Variants in DCTD observed in about 807,000 individuals in gnomAD.
DCTD encodes dCMP deaminase, also known as deoxycytidylate deaminase.
Under a neutral mutation model 21.0 loss-of-function variants are expected in DCTD, and 23 were observed. The ratio of observed to expected loss-of-function variants is 1.09; its 90% CI spans 0.79 to 1.55. DCTD has a LOEUF of 1.55. DCTD is among the 40% of genes most tolerant of loss of function. The probability of loss-of-function intolerance (pLI) is 0.00; values close to 1 mark genes in which losing one functional copy is unlikely to be tolerated. For missense variants in DCTD, 224 were observed against 230.0 expected (o/e 0.97, Z 0.17); for synonymous variants, 71 against 81.1 (o/e 0.88, Z 0.67).
intron 3 of DCTD, among the ~76,000 whole-genome samples, chr4:182,900,095 G>A (rs1221193766): frequency 3.3e-5 from 5 of 152,186 alleles, no homozygotes; most frequent in South Asian, 2.1e-4. Flanking sequence ...GGGGGAGATC[G>A]TTTGAGCTCA....
rs1201143300 is a variant in DCTD at position 182,891,183 on chromosome 4, C to T, written c.*216G>A. ...GCCCTGTGCACCAGGCCACCACAGG[C>T]TCCCCTATTTTAAACCCTAAAGCAA... On this transcript the variant is annotated 3_prime_UTR_variant, in exon 6 of 6. Coordinates refer to ENST00000438320, the MANE Select transcript of DCTD (RefSeq NM_001921.3). 4 of 491,512 alleles carry T rather than the reference C, an allele frequency of 8.1e-6. No individual in the cohort carries two copies. The highest frequency in any genetic ancestry group is 1.4e-5 in the Non-Finnish European group (4 of 276,908). 30.4% of individuals were successfully genotyped at this position (491,512 alleles called of 1,614,324 possible). A position where few individuals can be genotyped will look rare whatever the true frequency, so the allele number is the denominator to read the frequency against.
chr4:182,909,614 C>T (rs780409238), intron 3 of DCTD, among the ~76,000 whole-genome samples: 10 of 152,116 alleles, frequency 6.6e-5, no homozygotes, highest in Non-Finnish European at 1.5e-4. Context: ...AATTTCAGGA[C>T]GGAAAGAACA....
intron 3 of DCTD, among the ~76,000 whole-genome samples, chr4:182,895,077 A>G (rs1734504097): frequency 6.6e-6 from 1 of 152,226 alleles, no homozygotes; most frequent in South Asian, 2.1e-4. Flanking sequence ...CATACGCACA[A>G]GGAAAAACGC....
chr4:182,892,879 C>T, intron 5 of DCTD, 152 bp downstream of exon 5: 1 of 628,654 alleles, frequency 1.6e-6, no homozygotes. Context: ...ATATCTACCC[C>T]TATAATAGTC....
chr4:182,917,209 C>A lies in DCTD; in HGVS notation c.-8+102G>T. 1 of 993,980 alleles carries A rather than the reference C, an allele frequency of 1.0e-6. No individual in the cohort carries two copies. Among genetic ancestry groups the A allele is most frequent in the South Asian group, 4.6e-5 (1 of 21,944 alleles). The allele number at this position is 993,980 out of a possible 1,614,324, so 61.6% of individuals were successfully genotyped here. On this transcript the variant is annotated intron_variant, in intron 1 of 5. Coordinates refer to ENST00000438320, the MANE Select transcript of DCTD (RefSeq NM_001921.3). The surrounding 1 kb of genome is among the most constrained non-coding windows in gnomAD (Gnocchi z 4.9). ...CCCAGCGTCCGCGGCCCCAGGCCCC[C>A]GCCCGGCAGCCAGCGCCCCGCGCCA...
At chr4:182,916,226 AG>A in intron 1 of DCTD, 1 of 228,558 alleles carries the variant, frequency 4.4e-6, no homozygotes. Flanking sequence ...TTACATGAGA[AG>A]AAACTATGAA....
chr4:182,898,139 A>G (rs1735078118), intron 3 of DCTD, among the ~76,000 whole-genome samples: 1 of 152,238 alleles, frequency 6.6e-6, no homozygotes, highest in African/African-American at 2.4e-5. Flanking sequence ...GGCCATCGAC[A>G]CTGATCAAAT....
At chr4:182,896,604 G>A (rs1275238784) in intron 3 of DCTD, among the ~76,000 whole-genome samples, 1 of 152,160 alleles carries the variant, frequency 6.6e-6, no homozygotes, top group East Asian at 1.9e-4. Flanking sequence ...AGAGAAGGGT[G>A]CGAGGGCCCG....
chr4:182,903,991 G>A (rs1736205891), intron 3 of DCTD, among the ~76,000 whole-genome samples: 1 of 152,084 alleles, frequency 6.6e-6, no homozygotes, highest in Non-Finnish European at 1.5e-5. Context: ...CCTCTCCCAC[G>A]TGTGCCCACC....
rs369607595 is a variant in DCTD, at chr4:182,899,680, C to T, written c.245-5075G>A. On this transcript the variant is annotated intron_variant, in intron 3 of 5. Transcript: ENST00000438320. The stretch of plus-strand genomic sequence containing the variant: ...CCTCCAAAAGTGCTGGGATTACAGG[C>T]ATGAGCCACCGCGCCCGGCCAGTCA... 3.8e-3 allele frequency among the ~76,000 whole-genome samples: 586 copies of T among 152,260 alleles called. 2 individuals carry two copies. Among genetic ancestry groups the T allele is most frequent in the East Asian group, 5.4e-3 (28 of 5,162 alleles).
At chr4:182,899,656 C>A (rs1374119843) in intron 3 of DCTD, among the ~76,000 whole-genome samples, 1 of 152,142 alleles carries the variant, frequency 6.6e-6, no homozygotes, top group Non-Finnish European at 1.5e-5. Flanking sequence ...CTGCCTCGGC[C>A]TCCAAAAGTG....
chr4:182,901,909 T>G (rs1487702158), intron 3 of DCTD, among the ~76,000 whole-genome samples: 1 of 152,134 alleles, frequency 6.6e-6, no homozygotes, highest in African/African-American at 2.4e-5. Flanking sequence ...TTATCAGAGT[T>G]GCTAAACCTG....
chr4:182,911,703 C>T (rs1389112230), intron 3 of DCTD, among the ~76,000 whole-genome samples: 2 of 152,182 alleles, frequency 1.3e-5, no homozygotes, highest in African/African-American at 2.4e-5. Context: ...TGAGACACTA[C>T]TAAGGTATTG....
rs776746974 is a variant in DCTD at position 182,893,019 on chromosome 4, C to G, written c.458+12G>C. The G allele has an allele frequency of 6.4e-7, 1 of 1,564,874 alleles. No individual in the cohort carries two copies. The highest frequency in any genetic ancestry group is 1.1e-5 in the South Asian group (1 of 89,686). On this transcript the variant is annotated intron_variant, in intron 5 of 5. Transcript: ENST00000438320. ...CCTACCCCGTCCCCCCGCCCGCATTCTCCCCACTTACCGGAATGTCACCCC... is the reference window on the plus strand; with the variant it reads ...CCTACCCCGTCCCCCCGCCCGCATTGTCCCCACTTACCGGAATGTCACCCC...
intron 5 of DCTD, among the ~76,000 whole-genome samples, chr4:182,892,493 A>G (rs1453683888): frequency 6.6e-6 from 1 of 152,052 alleles, no homozygotes; most frequent in East Asian, 1.9e-4. Context: ...CTCTACTGAA[A>G]GTACAAAAAA....
intron 3 of DCTD, among the ~76,000 whole-genome samples, chr4:182,905,892 TCTC>T (rs1736626367): frequency 6.6e-6 from 1 of 152,164 alleles, no homozygotes; most frequent in South Asian, 2.1e-4. Context: ...AAATCTTGCT[TCTC>T]CTCCTCAGCA....
rs553552399 is a variant in DCTD, at chr4:182,904,883, C to T, written c.244+10040G>A. 7.9e-4 allele frequency among the ~76,000 whole-genome samples: 120 copies of T among 152,266 alleles called. 1 individual carries two copies. Among genetic ancestry groups the T allele is most frequent in the Admixed American group, 2.5e-3 (38 of 15,294 alleles). The stretch of plus-strand genomic sequence containing the variant: ...TTATCAACCAGGGTGTCTGAGAGAC[C>T]GATCCTCACAGCCTTGAGCACCTTG... On this transcript the variant is annotated intron_variant, in intron 3 of 5. Transcript: ENST00000438320.
Position 182,890,709 on chromosome 4 carries a change from C to G in DCTD, c.*690G>C, listed in dbSNP as rs1212516631. On this transcript the variant is annotated 3_prime_UTR_variant, in exon 6 of 6. Transcript: ENST00000438320. ...ATGTGACCAACAAACCCAAATTGAGCCAAAACAACAGGCGTCCCCACCCCC... is the reference window on the plus strand; with the variant it reads ...ATGTGACCAACAAACCCAAATTGAGGCAAAACAACAGGCGTCCCCACCCCC... The G allele has an allele frequency of 6.6e-6, 1 of 152,282 alleles. No individual in the cohort carries two copies. The highest frequency in any genetic ancestry group is 1.9e-4 in the East Asian group (1 of 5,184). 9.4% of individuals were successfully genotyped at this position (152,282 alleles called of 1,614,324 possible). A position where few individuals can be genotyped will look rare whatever the true frequency, so the allele number is the denominator to read the frequency against.
intron 1 of DCTD, among the ~76,000 whole-genome samples, chr4:182,916,056 G>A (rs772442904): frequency 6.6e-6 from 1 of 152,094 alleles, no homozygotes; most frequent in Non-Finnish European, 1.5e-5. Flanking sequence ...GAGAACTTAG[G>A]TAACTTAACC....
Sources: gnomAD v4.1 joint callset for allele counts (sites outside exome capture counted in the v4.1 genomes callset) on GRCh38, gnomAD v4.1.1 for gene constraint, Gnocchi (gnomAD v3.1) non-coding constraint, MANE v1.5 for transcripts, NCBI Gene and HGNC (gene_info 2026-07-23, HGNC 2026-07-21) for gene names.